AMBRA1: variants seen among roughly 807,000 people sequenced by gnomAD.
AMBRA1 encodes the protein autophagy and beclin 1 regulator 1.
A neutral mutation model predicts 125.4 loss-of-function variants in AMBRA1; 47 were observed. The ratio of observed to expected loss-of-function variants is 0.37; its 90% CI spans 0.30 to 0.48. The LOEUF (loss-of-function observed/expected upper bound fraction) is 0.48, where lower values mean the gene tolerates loss of function less well. AMBRA1 is among the 20% of genes least tolerant of loss of function. AMBRA1 has a pLI of 0.99. For synonymous variants in AMBRA1, 626 were observed against 655.5 expected (o/e 0.95, Z 0.69); for missense variants, 1,331 against 1,693.4 (o/e 0.79, Z 3.76).
At chr11:46,462,545 G>T (rs1319434997) in intron 11 of AMBRA1, among the ~76,000 whole-genome samples, 1 of 152,078 alleles carries the variant, frequency 6.6e-6, no homozygotes, top group Non-Finnish European at 1.5e-5. Context: ...ATCTGGACCT[G>T]TCTGTCATCT....
chr11:46,463,925 C>CTCTT (rs1161008225), intron 11 of AMBRA1, among the ~76,000 whole-genome samples: 1 of 152,244 alleles, frequency 6.6e-6, no homozygotes, highest in Non-Finnish European at 1.5e-5. Flanking sequence ...CTCTGCAAGG[C>CTCTT]TCTTGCCTTG....
In AMBRA1 at chr11:46,417,754, C is replaced by G. The variant is rs544806403; in HGVS notation, c.3116+159G>C. On this transcript the variant is annotated intron_variant, in intron 15 of 17. Transcript: ENST00000683756. ...TGAAATGGGGAGCTAATCCTACCAG[C>G]CCCTGTGGGAAGAGGGCCCTTTAAG... Among the ~76,000 whole-genome samples, 3 of 152,266 alleles carry G rather than the reference C, an allele frequency of 2.0e-5. No individual in the cohort carries two copies. The South Asian group carries it at 6.2e-4, about 32-fold the overall frequency.
At chr11:46,515,211 C>T (rs952742200) in intron 7 of AMBRA1, among the ~76,000 whole-genome samples, 3 of 152,188 alleles carry the variant, frequency 2.0e-5, no homozygotes, top group Admixed American at 6.5e-5. Context: ...TGGTGCCTCA[C>T]GCCTGTAATC....
Position 46,410,317 on chromosome 11 carries a change from G to A in AMBRA1, c.3168C>T (p.Val1056=). The change falls in exon 16 of 18, where the codon GTC becomes GTT. Residue 1056 remains valine (V), a synonymous_variant. Transcript: ENST00000683756. ...TCCTGCTGTTGGAATGGACAGTGAA[G>A]ACCGTCTCGTTCAGCTGGTCCCAGT... ...EYYWDQLNET[V]FTVHSNSRSS... is the part of the protein sequence containing the mutation. The A allele has an allele frequency of 1.2e-6, 2 of 1,613,962 alleles. No homozygotes were observed. The highest frequency in any genetic ancestry group is 1.7e-6 in the Non-Finnish European group (2 of 1,179,888).
At chr11:46,521,479 G>A (rs567160841) in intron 7 of AMBRA1, among the ~76,000 whole-genome samples, 8 of 152,392 alleles carry the variant, frequency 5.2e-5, no homozygotes, top group East Asian at 1.9e-4. Context: ...ACGCACTGTG[G>A]CTTTCTTCAT....
chr11:46,518,374 G>C (rs922632379), intron 7 of AMBRA1: 3 of 174,862 alleles, frequency 1.7e-5, no homozygotes, highest in African/African-American at 7.7e-5. Context: ...AGCTTGCAGT[G>C]AGCCAAGATA....
intron 7 of AMBRA1, among the ~76,000 whole-genome samples, chr11:46,534,837 C>T (rs1001560522): frequency 6.6e-6 from 1 of 152,080 alleles, no homozygotes; most frequent in African/African-American, 2.4e-5. Flanking sequence ...CGATGCCCAG[C>T]TAATTTTTGA....
intron 9 of AMBRA1, among the ~76,000 whole-genome samples, chr11:46,496,740 A>C (rs1950643401): frequency 6.6e-6 from 1 of 152,100 alleles, no homozygotes; most frequent in Admixed American, 6.5e-5. Context: ...GTAGGTCACA[A>C]GCATCTTTTT....
At chr11:46,578,673 G>A (rs1011814521) in intron 1 of AMBRA1, among the ~76,000 whole-genome samples, 12 of 151,616 alleles carry the variant, frequency 7.9e-5, no homozygotes, top group African/African-American at 2.9e-4. Context: ...CACGAGGTCA[G>A]GAGATCGAGA....
chr11:46,587,475 C>T (rs906736191), intron 1 of AMBRA1, among the ~76,000 whole-genome samples: 14 of 152,104 alleles, frequency 9.2e-5, no homozygotes, highest in East Asian at 1.9e-4. Context: ...TATTATCATA[C>T]ATTAAATATC....
intron 15 of AMBRA1, among the ~76,000 whole-genome samples, chr11:46,412,764 G>A (rs1362328048): frequency 6.6e-6 from 1 of 152,186 alleles, no homozygotes; most frequent in Non-Finnish European, 1.5e-5. Context: ...GATGGGCATT[G>A]GAGGGCAAAG....
At chr11:46,453,281 A>C (rs1948705182) in intron 11 of AMBRA1, among the ~76,000 whole-genome samples, 1 of 151,632 alleles carries the variant, frequency 6.6e-6, no homozygotes, top group African/African-American at 2.4e-5. Flanking sequence ...TTTCTTCCCC[A>C]AAGAGACAAG....
At chr11:46,431,308 G>A (rs1947447885) in intron 14 of AMBRA1, among the ~76,000 whole-genome samples, 1 of 152,228 alleles carries the variant, frequency 6.6e-6, no homozygotes, top group Admixed American at 6.5e-5. Flanking sequence ...CAGCCTGGCA[G>A]TAGTAGTAGC....
At chr11:46,493,843 G>T in intron 10 of AMBRA1, 135 bp from the exon 11 acceptor site, 3 of 706,040 alleles carry the variant, frequency 4.2e-6, no homozygotes, top group Non-Finnish European at 7.0e-6. Flanking sequence ...AATCTCCCAA[G>T]ATTGGTCCTT....
intron 1 of AMBRA1, among the ~76,000 whole-genome samples, chr11:46,564,300 TA>T (rs1469698234): frequency 6.6e-6 from 1 of 151,470 alleles, no homozygotes; most frequent in Admixed American, 6.6e-5. Flanking sequence ...ATAACACATA[TA>T]TATACACTTA....
Position 46,494,220 on chromosome 11 carries a change from A to C in AMBRA1, c.2340-16T>G. 2 of 1,583,958 alleles carry C rather than the reference A, an allele frequency of 1.3e-6. No homozygotes were observed. The highest frequency in any genetic ancestry group is 1.7e-6 in the Non-Finnish European group (2 of 1,161,738). On this transcript the variant is annotated splice_polypyrimidine_tract_variant and intron_variant, in intron 9 of 17. Coordinates refer to ENST00000683756, the MANE Select transcript of AMBRA1 (RefSeq NM_001387011.1). ...ACCATTGTCCCTGAAAAAAATAAAA[A>C]CACTACACATAAGAGAGTCACTAAG...
At chr11:46,488,328 C>T (rs1019604804) in intron 11 of AMBRA1, among the ~76,000 whole-genome samples, 1 of 151,958 alleles carries the variant, frequency 6.6e-6, no homozygotes, top group African/African-American at 2.4e-5. Flanking sequence ...TGGGGGCACA[C>T]GCCTGTAATC....
chr11:46,483,329 G>A (rs1385742851), intron 11 of AMBRA1, among the ~76,000 whole-genome samples: 1 of 152,172 alleles, frequency 6.6e-6, no homozygotes, highest in Non-Finnish European at 1.5e-5. Flanking sequence ...CTATTTGCAG[G>A]AGTTTCTTTC....
At chr11:46,423,771 T>TC (rs1171845377) in intron 14 of AMBRA1, among the ~76,000 whole-genome samples, 1 of 147,688 alleles carries the variant, frequency 6.8e-6, no homozygotes, top group Non-Finnish European at 1.5e-5. Flanking sequence ...TTTTTTTTTT[T>TC]TTTTTTTTTG....
Sources: gnomAD v4.1 joint callset for allele counts (sites outside exome capture counted in the v4.1 genomes callset) on GRCh38, gnomAD v4.1.1 for gene constraint, MANE v1.5 for transcripts, NCBI Gene and HGNC (gene_info 2026-07-23, HGNC 2026-07-21) for gene names.